The following SGK1 variants were observed in gnomAD, a reference collection of about 807,000 sequenced individuals.
SGK1 encodes the protein serum/glucocorticoid regulated kinase 1.
A neutral mutation model predicts 64.2 loss-of-function variants in SGK1; 26 were observed. The observed-to-expected ratio is 0.40, with a 90% CI of 0.30 to 0.56. The LOEUF (loss-of-function observed/expected upper bound fraction) is 0.56. Ranked by LOEUF, SGK1 falls within the 20% of genes least tolerant of loss-of-function variation. The probability of loss-of-function intolerance (pLI) is 0.38; values close to 1 mark genes in which losing one functional copy is unlikely to be tolerated. For synonymous variants in SGK1, 265 were observed against 239.7 expected, an observed-to-expected ratio of 1.11 and a Z score of -0.98; for missense variants, 519 against 645.6, an observed-to-expected ratio of 0.80 and a Z score of 2.12.
chr6:134,225,021 A>G (rs1562257025), intron 2 of SGK1, among the ~76,000 whole-genome samples: 2 of 147,110 alleles, frequency 1.4e-5, no homozygotes, highest in Non-Finnish European at 3.0e-5. Context: ...AAAAAAAAAA[A>G]AAGAAAAAAG....
intron 1 of SGK1, chr6:134,297,213 G>T (rs1442203803): frequency 6.6e-6 from 6 of 903,006 alleles, no homozygotes; most frequent in Non-Finnish European, 1.1e-5. Context: ...CTGTATCCCA[G>T]ACTCCAGCCG....
chr6:134,261,972 C>G lies in SGK1; in HGVS notation c.246G>C (p.Glu82Asp). 1 of 1,613,872 alleles carries G rather than the reference C, an allele frequency of 6.2e-7. No homozygotes were observed. The highest frequency in any genetic ancestry group is 1.1e-5 in the South Asian group (1 of 91,076). Residue 82 changes from glutamate to aspartate, a missense_variant, in exon 2 of 14, where the codon GAG becomes GAC. Around this residue, in one of 2 missense-constraint regions of SGK1, gnomAD observed 241 missense variants for 236.9 expected, o/e 1.02. Coordinates refer to ENST00000367858, the MANE Select transcript of SGK1 (RefSeq NM_001143676.3). ...HAFQRGVLPQ[E>D]NESCSWETQS... Reference sequence around the variant, plus strand: ...GAGTTTCCCATGAACATGACTCGTTCTCCTGAGGGAGAACCCCTCTTTGGA... The same window carrying G: ...GAGTTTCCCATGAACATGACTCGTTGTCCTGAGGGAGAACCCCTCTTTGGA...
At chr6:134,172,496 C>A in intron 9 of SGK1, 166 bp downstream of exon 9, 1 of 791,820 alleles carries the variant, frequency 1.3e-6, no homozygotes, top group Non-Finnish European at 2.0e-6. Context: ...TCCTACTTGG[C>A]TGGTTCCCCC....
chr6:134,233,772 A>G (rs1776324186), intron 2 of SGK1, among the ~76,000 whole-genome samples: 1 of 152,210 alleles, frequency 6.6e-6, no homozygotes, highest in Non-Finnish European at 1.5e-5. Context: ...ACTGATGCCA[A>G]ACTAAATTGG....
chr6:134,282,473 G>GA (rs1777109304), intron 1 of SGK1, among the ~76,000 whole-genome samples: 1 of 151,952 alleles, frequency 6.6e-6, no homozygotes, highest in African/African-American at 2.4e-5. Context: ...CCAACATGGT[G>GA]AAACCCCCTC....
intron 3 of SGK1, chr6:134,177,825 G>C: frequency 6.2e-7 from 1 of 1,611,342 alleles, no homozygotes; most frequent in Non-Finnish European, 8.5e-7. Flanking sequence ...GATGACATGA[G>C]AGCACGAGCC....
intron 2 of SGK1, among the ~76,000 whole-genome samples, chr6:134,234,565 T>C (rs1293504437): frequency 6.6e-6 from 1 of 152,054 alleles, no homozygotes; most frequent in Non-Finnish European, 1.5e-5. Context: ...AATGTGAACT[T>C]CTGGAATTCA....
At position 134,252,616 on chromosome 6, in the gene SGK1, C is replaced by CAAAAA. The variant is rs11418007; in HGVS notation, c.285+9312_285+9316dup. 1.7e-3 allele frequency among the ~76,000 whole-genome samples: 113 copies of CAAAAA among 65,932 alleles called. 6 individuals carry two copies. Among genetic ancestry groups the CAAAAA allele is most frequent in the East Asian group, 7.4e-3 (13 of 1,764 alleles). The allele number at this position is 65,932 out of a possible 152,430, so 43.3% of individuals were successfully genotyped here. A position where few individuals can be genotyped will look rare whatever the true frequency, so the allele number is the denominator to read the frequency against. On this transcript the variant is annotated intron_variant, in intron 2 of 13. Transcript: ENST00000367858. ...TGGGCAACAGAGTGAGATTCCACCT[C>CAAAAA]AAAAAAAAAAAAAAAAAAAAAAAAG...
chr6:134,174,817 G>T, intron 3 of SGK1: 1 of 1,614,040 alleles, frequency 6.2e-7, no homozygotes, highest in South Asian at 1.1e-5. Flanking sequence ...TCACCACCGC[G>T]GGGAGACAGA....
At chr6:134,171,356 GTT>G (rs1775019093) in intron 11 of SGK1, 178 bp from the exon 12 acceptor site, 6 of 624,452 alleles carry the variant, frequency 9.6e-6, no homozygotes, top group South Asian at 7.9e-5. Context: ...CCGTGTGTGT[GTT>G]TGTGTGTGTG....
chr6:134,178,867 C>T (rs1445381379), intron 3 of SGK1, among the ~76,000 whole-genome samples: 2 of 152,158 alleles, frequency 1.3e-5, no homozygotes, highest in Non-Finnish European at 2.9e-5. Context: ...GGGAAAACTG[C>T]AGTCAAAACC....
intron 2 of SGK1, among the ~76,000 whole-genome samples, chr6:134,258,488 T>C (rs1261944842): frequency 2.6e-5 from 4 of 152,162 alleles, no homozygotes; most frequent in African/African-American, 7.2e-5. Flanking sequence ...GCGAATCACC[T>C]GAGGTCAGGA....
Position 134,262,058 on chromosome 6 carries a change from G to A in SGK1, c.160C>T (p.Pro54Ser), listed in dbSNP as rs1218152124. Residue 54 changes from proline (P) to serine (S), a missense_variant, in exon 2 of 14, where the codon CCT becomes TCT. Pro to Ser is a moderately conservative substitution (Grantham distance 74, BLOSUM62 -1). Around this residue, in one of 2 missense-constraint regions of SGK1, gnomAD observed 241 missense variants for 236.9 expected, o/e 1.02. Transcript: ENST00000367858. ...GACTCGAAGTCTGGCTCCCCTGGAG[G>A]GATGTGCACCATGGAGGAGCCGGTG... ...KYTGSSMVHI[P>S]PGEPDFESSL... 1 of 1,613,752 alleles carries A rather than the reference G, an allele frequency of 6.2e-7. No homozygotes were observed. Among genetic ancestry groups the A allele is most frequent in the East Asian group, 2.2e-5 (1 of 44,876 alleles).
chr6:134,207,209 G>C lies in SGK1; in HGVS notation c.361+147C>G, dbSNP rs1032514754. 1.4e-4 allele frequency: 83 copies of C among 597,858 alleles called. No homozygotes were observed. The African/African-American group carries it at 1.4e-3, about 10-fold the overall frequency. The allele number at this position is 597,858 out of a possible 1,614,324, so 37.0% of individuals were successfully genotyped here. A position where few individuals can be genotyped will look rare whatever the true frequency, so the allele number is the denominator to read the frequency against. ...CCACTGCCCTCCAACCTGGGCAACAGAGCAAGACTCTGTCTCAAGAAAAAC... is the reference window on the plus strand; with the variant it reads ...CCACTGCCCTCCAACCTGGGCAACACAGCAAGACTCTGTCTCAAGAAAAAC... On this transcript the variant is annotated intron_variant, in intron 3 of 13. Transcript: ENST00000367858.
At chr6:134,313,695 A>G (rs190832312) in intron 1 of SGK1, among the ~76,000 whole-genome samples, 1 of 152,258 alleles carries the variant, frequency 6.6e-6, no homozygotes, top group East Asian at 1.9e-4. Context: ...TCTGAGGTTC[A>G]TTCCACATCC....
At chr6:134,278,431 T>G (rs543561482) in intron 1 of SGK1, among the ~76,000 whole-genome samples, 181 of 152,342 alleles carry the variant, frequency 1.2e-3, no homozygotes, top group Non-Finnish European at 2.2e-3. Flanking sequence ...AAATGAAAGG[T>G]AAGATGATTA....
In SGK1 at chr6:134,221,941, C is replaced by A. The variant is rs148058599; in HGVS notation, c.286-14510G>T. ...GTGCTAGGATTACAGGTGTGAGCTA[C>A]CACGCCCGGCTGGCATTCAATAAAT... On this transcript the variant is annotated intron_variant, in intron 2 of 13. Transcript: ENST00000367858. Among the ~76,000 whole-genome samples, 23 of 152,296 alleles carry A rather than the reference C, an allele frequency of 1.5e-4. No homozygotes were observed. The East Asian group carries it at 4.4e-3, about 29-fold the overall frequency.
At chr6:134,211,200 A>T (rs868735666) in intron 2 of SGK1, among the ~76,000 whole-genome samples, 1 of 152,176 alleles carries the variant, frequency 6.6e-6, no homozygotes, top group Non-Finnish European at 1.5e-5. Context: ...TCTAGAATAG[A>T]TTGCCATCCT....
At chr6:134,205,067 C>T (rs6569934) in intron 3 of SGK1, among the ~76,000 whole-genome samples, 88,012 of 151,872 alleles carry the variant, frequency 0.58, 26,258 homozygotes, top group Non-Finnish European at 0.61. Flanking sequence ...AGCTGCTTCA[C>T]AGATAGAGCA....
Sources: gnomAD v4.1 joint callset for allele counts (sites outside exome capture counted in the v4.1 genomes callset) on GRCh38, gnomAD v4.1.1 for gene constraint, gnomAD v4.1.1 regional missense constraint, MANE v1.5 for transcripts, NCBI Gene and HGNC (gene_info 2026-07-23, HGNC 2026-07-21) for gene names.